NDUFAF6: variants seen among roughly 807,000 people sequenced by gnomAD.
The protein encoded by NDUFAF6 is NADH:ubiquinone oxidoreductase complex assembly factor 6, also known as NADH dehydrogenase (ubiquinone) complex I, assembly factor 6.
In NDUFAF6, 45 loss-of-function variants were observed where a neutral mutation model predicts 40.8. The observed-to-expected ratio is 1.10, with a 90% CI of 0.87 to 1.42. The LOEUF is 1.42. Ranked by LOEUF, NDUFAF6 falls within the 40% of genes most tolerant of loss-of-function variation. The pLI, the probability that NDUFAF6 is intolerant of heterozygous loss-of-function variation, is 0.00. For synonymous variants in NDUFAF6, 185 were observed against 155.9 expected (o/e 1.19, Z -1.39); for missense variants, 435 against 418.5 (o/e 1.04, Z -0.34).
intron 1 of NDUFAF6, among the ~76,000 whole-genome samples, chr8:94,910,679 A>G (rs917623367): frequency 3.9e-5 from 6 of 152,254 alleles, no homozygotes; most frequent in Non-Finnish European, 5.9e-5. Context: ...AAACCTGACA[A>G]TAGGAACAGC....
At chr8:95,104,045 A>T (rs1237519206), downstream of NDUFAF6, among the ~76,000 whole-genome samples, 1 of 151,834 alleles carries the variant, frequency 6.6e-6, no homozygotes, top group Non-Finnish European at 1.5e-5. Context: ...TTTTATTTTT[A>T]TTTTTTAATG....
intron 1 of NDUFAF6, among the ~76,000 whole-genome samples, chr8:94,960,611 T>C (rs1281089719): frequency 6.6e-6 from 1 of 152,230 alleles, no homozygotes; most frequent in African/African-American, 2.4e-5. Flanking sequence ...GCTAAATCCC[T>C]TTCATTTGTT....
chr8:94,964,146 G>A (rs1224692014), intron 1 of NDUFAF6, among the ~76,000 whole-genome samples: 1 of 152,200 alleles, frequency 6.6e-6, no homozygotes, highest in Middle Eastern at 3.4e-3. Context: ...GAAATACCTG[G>A]GCAGGGCACA....
At chr8:94,961,124 C>T (rs1475292522) in intron 1 of NDUFAF6, among the ~76,000 whole-genome samples, 2 of 152,188 alleles carry the variant, frequency 1.3e-5, no homozygotes, top group Non-Finnish European at 2.9e-5. Flanking sequence ...GCAAAATAAA[C>T]CACTCGGTCC....
intron 2 of NDUFAF6, among the ~76,000 whole-genome samples, chr8:94,998,186 A>T (rs1443435688): frequency 2.6e-5 from 4 of 152,200 alleles, no homozygotes; most frequent in Non-Finnish European, 5.9e-5. Flanking sequence ...TGTCTTTCTT[A>T]TATTCTTTGC....
At chr8:95,024,763 G>C (rs988538917), upstream of NDUFAF6, among the ~76,000 whole-genome samples, 1 of 152,218 alleles carries the variant, frequency 6.6e-6, no homozygotes, top group Non-Finnish European at 1.5e-5. Flanking sequence ...GGATGCACGT[G>C]GGGGAAGGGG....
intron 1 of NDUFAF6, among the ~76,000 whole-genome samples, chr8:95,027,120 G>A (rs540763784): frequency 2.0e-5 from 3 of 152,238 alleles, no homozygotes; most frequent in African/African-American, 7.2e-5. Context: ...TTTTTCTCAA[G>A]TATATATACT....
intron 9 of NDUFAF6, chr8:95,069,260 AAAC>A (rs1162991928): frequency 2.0e-5 from 3 of 151,914 alleles, no homozygotes; most frequent in Non-Finnish European, 2.9e-5. Flanking sequence ...AGAGGTAAAC[AAAC>A]AACAACAGTT....
intron 2 of NDUFAF6, chr8:94,988,962 A>G (rs1029768461): frequency 2.6e-5 from 4 of 152,264 alleles, no homozygotes; most frequent in African/African-American, 4.8e-5. Flanking sequence ...TTCCACTTAC[A>G]TGAAATGTAC....
chr8:94,932,250 A>T, intron 1 of NDUFAF6: 1 of 811,170 alleles, frequency 1.2e-6, no homozygotes, highest in African/African-American at 1.7e-5. Flanking sequence ...TTAAGATAAC[A>T]TGTAAAACCT....
intron 1 of NDUFAF6, among the ~76,000 whole-genome samples, chr8:94,933,129 A>T (rs1196601505): frequency 6.6e-6 from 1 of 151,892 alleles, no homozygotes; most frequent in East Asian, 1.9e-4. Context: ...AAGGCAGGAG[A>T]ATCACTTGAA....
chr8:94,904,626 A>G (rs996930655), intron 1 of NDUFAF6, among the ~76,000 whole-genome samples: 3 of 151,776 alleles, frequency 2.0e-5, no homozygotes, highest in African/African-American at 7.3e-5. Flanking sequence ...CTTCCACGGT[A>G]TCTTTCACAG....
upstream of NDUFAF6, among the ~76,000 whole-genome samples, chr8:95,021,314 G>C (rs911504524): frequency 2.0e-5 from 3 of 152,222 alleles, no homozygotes; most frequent in African/African-American, 7.2e-5. Flanking sequence ...AATCCAGAAA[G>C]AGGGAACAGC....
At chr8:95,074,534 A>G (rs1158381933) in intron 9 of NDUFAF6, among the ~76,000 whole-genome samples, 1 of 113,670 alleles carries the variant, frequency 8.8e-6, no homozygotes, top group Non-Finnish European at 1.9e-5. Context: ...CCAATGTCCT[A>G]TGTCTAAAAC....
chr8:95,046,525 A>G (rs1027981249), intron 5 of NDUFAF6, among the ~76,000 whole-genome samples: 2 of 152,302 alleles, frequency 1.3e-5, no homozygotes, highest in South Asian at 2.1e-4. Context: ...ATATATCTCT[A>G]TACCTCCCTA....
chr8:94,956,885 T>C (rs1823123679), upstream of NDUFAF6, among the ~76,000 whole-genome samples: 1 of 152,060 alleles, frequency 6.6e-6, no homozygotes, highest in Non-Finnish European at 1.5e-5. Flanking sequence ...TTAAAGGGAA[T>C]GGGGGCCAGG....
chr8:94,945,971 CT>C (rs1035430372), intron 2 of NDUFAF6, among the ~76,000 whole-genome samples: 2 of 152,148 alleles, frequency 1.3e-5, no homozygotes, highest in African/African-American at 4.8e-5. Context: ...CCATCCCTCC[CT>C]TTAAAAAATA....
exon 1 of NDUFAF6, chr8:94,895,861 C>T (rs1817497375): frequency 6.5e-6 from 1 of 153,572 alleles, no homozygotes; most frequent in South Asian, 2.1e-4. Context: ...TCCGCGACCA[C>T]CCGGAGCCCG....
intron 2 of NDUFAF6, chr8:94,950,473 T>C (rs1356854516): frequency 1.3e-5 from 2 of 152,252 alleles, no homozygotes; most frequent in Non-Finnish European, 1.5e-5. Context: ...TATCACACAT[T>C]ACAGTATCTG....
Sources: allele counts gnomAD v4.1 joint callset (sites outside exome capture counted in the v4.1 genomes callset), GRCh38; gene constraint gnomAD v4.1.1; transcripts MANE v1.5; gene names NCBI Gene and HGNC (gene_info 2026-07-23, HGNC 2026-07-21).